IFNGR2: variants seen among roughly 807,000 people sequenced by gnomAD.
IFNGR2 encodes the protein IFN-gamma receptor 2.
In IFNGR2, 15 loss-of-function variants were observed where a neutral mutation model predicts 41.1. That is an observed-to-expected ratio of 0.37 (90% confidence interval 0.24 to 0.56). The LOEUF is 0.56. IFNGR2 is among the 20% of genes least tolerant of loss of function. The pLI is 0.81. For synonymous variants in IFNGR2, 161 were observed against 171.6 expected (o/e 0.94, Z 0.48); for missense variants, 362 against 415.7 (o/e 0.87, Z 1.12).
At chr21:33,433,368 G>C (rs1221789991) in intron 6 of IFNGR2, among the ~76,000 whole-genome samples, 2 of 152,212 alleles carry the variant, frequency 1.3e-5, no homozygotes, top group African/African-American at 4.8e-5. Context: ...CTCCGGTGTC[G>C]TTGAAGGATT....
At chr21:33,420,255 G>A (rs938296453) in intron 2 of IFNGR2, among the ~76,000 whole-genome samples, 6 of 152,160 alleles carry the variant, frequency 3.9e-5, no homozygotes, top group Admixed American at 1.3e-4. Flanking sequence ...CTCCAGTCTC[G>A]TCTCCTGTCT....
At chr21:33,428,506 G>C (rs775035284) in intron 4 of IFNGR2, among the ~76,000 whole-genome samples, 9 of 152,140 alleles carry the variant, frequency 5.9e-5, no homozygotes, top group Non-Finnish European at 1.3e-4. Flanking sequence ...GAGGTTACAG[G>C]CATGAGCCCG....
chr21:33,417,900 A>T (rs1344892471), intron 2 of IFNGR2, among the ~76,000 whole-genome samples: 1 of 151,950 alleles, frequency 6.6e-6, no homozygotes, highest in African/African-American at 2.4e-5. Flanking sequence ...ACGTTATTGC[A>T]TTAAAAAAAA....
intron 1 of IFNGR2, among the ~76,000 whole-genome samples, chr21:33,407,195 A>G (rs1370542156): frequency 6.6e-6 from 1 of 152,054 alleles, no homozygotes; most frequent in African/African-American, 2.4e-5. Context: ...TGACTTTTTC[A>G]GGGGATTGGA....
chr21:33,432,060 G>T, intron 4 of IFNGR2, 117 bp from the exon 5 acceptor site: 1 of 947,228 alleles, frequency 1.1e-6, no homozygotes, highest in South Asian at 1.3e-5. Context: ...CACTAAAAAT[G>T]GCATCTTGTT....
intron 1 of IFNGR2, among the ~76,000 whole-genome samples, chr21:33,410,206 A>C (rs1601068392): frequency 6.8e-6 from 1 of 146,676 alleles, no homozygotes; most frequent in Non-Finnish European, 1.5e-5. Context: ...TCTCTCTGTC[A>C]CCCAAGCTGG....
At chr21:33,433,950 T>G (rs1018599808) in intron 6 of IFNGR2, among the ~76,000 whole-genome samples, 2 of 151,976 alleles carry the variant, frequency 1.3e-5, no homozygotes, top group South Asian at 2.1e-4. Context: ...GAGACAGTGA[T>G]CAGGAGCTTG....
At chr21:33,407,846 A>ACCCCC (rs55734282) in intron 1 of IFNGR2, among the ~76,000 whole-genome samples, 3 of 86,806 alleles carry the variant, frequency 3.5e-5, no homozygotes, top group South Asian at 4.2e-4. Context: ...TCCCCACCGC[A>ACCCCC]CCCCCCCCCG....
intron 2 of IFNGR2, among the ~76,000 whole-genome samples, chr21:33,419,207 G>A (rs926489035): frequency 6.6e-6 from 1 of 152,202 alleles, no homozygotes; most frequent in African/African-American, 2.4e-5. Context: ...CTGGGTTCAA[G>A]TGATTGTCCT....
intron 4 of IFNGR2, among the ~76,000 whole-genome samples, chr21:33,429,467 T>A (rs2083867199): frequency 1.3e-5 from 2 of 152,140 alleles, no homozygotes; most frequent in Admixed American, 1.3e-4. Context: ...TGGCCCATAC[T>A]CTGATTTTTT....
At chr21:33,411,554 A>G in intron 1 of IFNGR2, 1 of 470,688 alleles carries the variant, frequency 2.1e-6, no homozygotes, top group Non-Finnish European at 4.4e-6. Flanking sequence ...CCTGACGTAC[A>G]AAAGGGACTC....
At chr21:33,411,261 T>C (rs1275813641) in intron 1 of IFNGR2, among the ~76,000 whole-genome samples, 2 of 152,188 alleles carry the variant, frequency 1.3e-5, no homozygotes, top group African/African-American at 4.8e-5. Context: ...CCCCGACTTA[T>C]ACAGTGATGC....
At chr21:33,420,089 G>A (rs551952278) in intron 2 of IFNGR2, among the ~76,000 whole-genome samples, 1 of 152,262 alleles carries the variant, frequency 6.6e-6, no homozygotes, top group South Asian at 2.1e-4. Flanking sequence ...TATCTATGGC[G>A]GGTGTCTTCA....
chr21:33,409,311 C>G (rs2083700157), intron 1 of IFNGR2, among the ~76,000 whole-genome samples: 1 of 148,308 alleles, frequency 6.7e-6, no homozygotes, highest in African/African-American at 2.5e-5. Flanking sequence ...CTCCTAAAAG[C>G]ACAAAAAAAT....
intron 6 of IFNGR2, 104 bp from the exon 7 acceptor site, chr21:33,436,724 A>T (rs991867409): frequency 4.1e-6 from 4 of 975,422 alleles, no homozygotes; most frequent in South Asian, 3.2e-5. Context: ...CATCTCAAAA[A>T]AAAAATAAAA....
rs59298276 is a variant in IFNGR2 at position 33,428,225 on chromosome 21, T to TA, written c.561+1195dup. On this transcript the variant is annotated intron_variant, in intron 4 of 6. Transcript: ENST00000290219. ...TTCTCCTTCATTTTTTTTTTTTTTT[T>TA]AATTATTGTTCTTTTTTTGAGACAG... Among the ~76,000 whole-genome samples, 493 of 141,456 alleles carry TA rather than the reference T, an allele frequency of 3.5e-3. 5 individuals are homozygous for TA. The highest frequency in any genetic ancestry group is 0.012 in the African/African-American group (472 of 39,016). The allele number at this position is 141,456 out of a possible 152,430, so 92.8% of individuals were successfully genotyped here.
At chr21:33,404,516 C>G (rs1369857607) in intron 1 of IFNGR2, among the ~76,000 whole-genome samples, 1 of 152,148 alleles carries the variant, frequency 6.6e-6, no homozygotes, top group Non-Finnish European at 1.5e-5. Context: ...TCAGCTACTG[C>G]AGCCTCCGCC....
At chr21:33,434,036 G>A (rs953406976) in intron 6 of IFNGR2, among the ~76,000 whole-genome samples, 1 of 152,116 alleles carries the variant, frequency 6.6e-6, no homozygotes, top group Non-Finnish European at 1.5e-5. Context: ...GCCAGGCCCC[G>A]TGTACCCATT....
At chr21:33,425,163 G>A (rs1201608107) in intron 3 of IFNGR2, among the ~76,000 whole-genome samples, 1 of 152,032 alleles carries the variant, frequency 6.6e-6, no homozygotes, top group African/African-American at 2.4e-5. Context: ...CAAGTGATCT[G>A]CCCACCTCAG....
Sources: allele counts gnomAD v4.1 joint callset (sites outside exome capture counted in the v4.1 genomes callset), GRCh38; gene constraint gnomAD v4.1.1; transcripts MANE v1.5; gene names NCBI Gene and HGNC (gene_info 2026-07-23, HGNC 2026-07-21).